TBL1XR1: variants seen among roughly 807,000 people sequenced by gnomAD.
The protein encoded by TBL1XR1 is F-box-like/WD repeat-containing protein TBL1XR1.
Under a neutral mutation model 66.9 loss-of-function variants are expected in TBL1XR1, and 5 were observed. That is an observed-to-expected ratio of 0.07 (90% CI 0.04 to 0.16). The LOEUF is 0.16. Ranked by LOEUF, TBL1XR1 falls within the 10% of genes least tolerant of loss-of-function variation. The pLI is 1.00. For synonymous variants in TBL1XR1, 210 were observed against 206.0 expected (o/e 1.02, Z -0.17); for missense variants, 238 against 623.2 (o/e 0.38, Z 6.58).
intron 1 of TBL1XR1, among the ~76,000 whole-genome samples, chr3:177,196,069 C>A (rs1736814315): frequency 1.3e-5 from 2 of 152,282 alleles, no homozygotes; most frequent in South Asian, 4.1e-4. Context: ...ATGAAATACA[C>A]CATTTTCACA....
chr3:177,072,140 G>A (rs577103296), intron 2 of TBL1XR1, among the ~76,000 whole-genome samples: 1 of 152,246 alleles, frequency 6.6e-6, no homozygotes, highest in African/African-American at 2.4e-5. Context: ...ACACAGCAAT[G>A]TACTTCACTG....
intron 14 of TBL1XR1, among the ~76,000 whole-genome samples, chr3:177,030,057 G>C (rs1266970275): frequency 6.6e-6 from 1 of 151,736 alleles, no homozygotes; most frequent in Non-Finnish European, 1.5e-5. Flanking sequence ...ATACCGTATG[G>C]GCCATGACTT....
chr3:177,186,325 A>G (rs1245207268), intron 1 of TBL1XR1, among the ~76,000 whole-genome samples: 1 of 152,240 alleles, frequency 6.6e-6, no homozygotes, highest in East Asian at 1.9e-4. Context: ...AATGAGTGCC[A>G]AAGAGCACTG....
chr3:177,061,980 G>C (rs1253688261), intron 3 of TBL1XR1, among the ~76,000 whole-genome samples: 3 of 152,128 alleles, frequency 2.0e-5, no homozygotes, highest in African/African-American at 7.2e-5. Context: ...TTATGAGTGA[G>C]ATTCTGAGTT....
chr3:177,118,793 T>A (rs1726621021), intron 1 of TBL1XR1, among the ~76,000 whole-genome samples: 2 of 150,172 alleles, frequency 1.3e-5, no homozygotes, highest in Admixed American at 1.3e-4. Flanking sequence ...AAGTGTCGTA[T>A]TTTGTCAGTT....
chr3:177,163,019 C>A (rs1223806924), intron 1 of TBL1XR1, among the ~76,000 whole-genome samples: 1 of 152,112 alleles, frequency 6.6e-6, no homozygotes, highest in East Asian at 1.9e-4. Context: ...ATGCACGTAT[C>A]CTTTGACCCA....
chr3:177,136,834 T>C, intron 1 of TBL1XR1, among the ~76,000 whole-genome samples: 1 of 152,216 alleles, frequency 6.6e-6, no homozygotes, highest in East Asian at 1.9e-4. Flanking sequence ...CCAGGGCTTT[T>C]ACTAAATCAT....
chr3:177,079,248 G>A (rs765007681), intron 2 of TBL1XR1, among the ~76,000 whole-genome samples: 8 of 151,512 alleles, frequency 5.3e-5, no homozygotes, highest in Non-Finnish European at 1.0e-4. Flanking sequence ...TGGCTAACAC[G>A]GTGAAACCCC....
chr3:177,097,934 C>T (rs1723700226), intron 2 of TBL1XR1, among the ~76,000 whole-genome samples: 2 of 152,196 alleles, frequency 1.3e-5, no homozygotes, highest in South Asian at 2.1e-4. Flanking sequence ...CAGCTGGATG[C>T]GGTGGCTCAC....
At chr3:177,064,795 G>A in intron 3 of TBL1XR1, 125 bp downstream of exon 3, 1 of 680,390 alleles carries the variant, frequency 1.5e-6, no homozygotes, top group Non-Finnish European at 2.5e-6. Flanking sequence ...TAAAATGGCA[G>A]TCCAGACATT....
At chr3:177,082,713 T>C (rs6778937) in intron 2 of TBL1XR1, among the ~76,000 whole-genome samples, 38,202 of 113,714 alleles carry the variant, frequency 0.34, 6,569 homozygotes, top group East Asian at 0.61. Flanking sequence ...CCTAACAGAC[T>C]ATTACTAAAT....
In TBL1XR1 at chr3:177,071,224, GT is replaced by G. The variant is rs555113341; in HGVS notation, c.-45-6203del. ...TTTTTGTATTTTCAGTAGAGACGGG[GT>G]TTCATCTAAGAATCTCAAAGAGTGG... is the stretch of plus-strand genomic sequence containing the variant. On this transcript the variant is annotated intron_variant, in intron 2 of 15. Transcript: ENST00000457928. Among the ~76,000 whole-genome samples, 9 of 151,968 alleles carry G rather than the reference GT, an allele frequency of 5.9e-5. 1 individual carries two copies. The South Asian group carries it at 1.5e-3, about 25-fold the overall frequency.
intron 12 of TBL1XR1, among the ~76,000 whole-genome samples, chr3:177,037,045 A>T (rs1714892130): frequency 1.3e-5 from 2 of 152,192 alleles, no homozygotes; most frequent in African/African-American, 4.8e-5. Flanking sequence ...GTCATACAAC[A>T]AGAAAAACAG....
intron 2 of TBL1XR1, 107 bp downstream of exon 2, chr3:177,098,359 T>C (rs1723766313): frequency 1.1e-5 from 5 of 472,478 alleles, no homozygotes; most frequent in Non-Finnish European, 1.4e-5. Context: ...TTACTTAGCT[T>C]GGGAACACAT....
chr3:177,174,632 C>CA (rs775566157), intron 1 of TBL1XR1, among the ~76,000 whole-genome samples: 50 of 152,088 alleles, frequency 3.3e-4, no homozygotes, highest in Non-Finnish European at 6.6e-4. Context: ...TAGCTCTTTT[C>CA]AATACCACTC....
intron 15 of TBL1XR1, chr3:177,025,979 A>C (rs1000538473): frequency 1.1e-5 from 3 of 277,684 alleles, no homozygotes; most frequent in African/African-American, 2.3e-5. Context: ...TCAGTATCAC[A>C]CATTCCTCAA....
At chr3:177,059,913 C>T (rs1162403873) in intron 3 of TBL1XR1, among the ~76,000 whole-genome samples, 1 of 152,208 alleles carries the variant, frequency 6.6e-6, no homozygotes. Context: ...TTTGCTGAGT[C>T]TTCCAGCCTT....
chr3:177,194,418 A>C (rs1736563165), intron 1 of TBL1XR1, among the ~76,000 whole-genome samples: 2 of 152,226 alleles, frequency 1.3e-5, no homozygotes, highest in South Asian at 4.1e-4. Flanking sequence ...CTCTCCCCTG[A>C]CTTCCTACCA....
intron 1 of TBL1XR1, among the ~76,000 whole-genome samples, chr3:177,185,117 A>G (rs1735252709): frequency 6.6e-6 from 1 of 152,204 alleles, no homozygotes; most frequent in Admixed American, 6.5e-5. Flanking sequence ...AACAGTTCAA[A>G]AGGTTACACA....
Sources: allele counts gnomAD v4.1 joint callset (sites outside exome capture counted in the v4.1 genomes callset), GRCh38; gene constraint gnomAD v4.1.1; transcripts MANE v1.5; gene names NCBI Gene and HGNC (gene_info 2026-07-23, HGNC 2026-07-21).